The following TTN variants were observed in gnomAD, a reference collection of about 807,000 sequenced individuals.
TTN encodes the protein connectin.
TTN carries 1,525 observed loss-of-function variants against 3,223.0 expected under a neutral mutation model. That is an observed-to-expected ratio of 0.47 (90% CI 0.45 to 0.49). The LOEUF is 0.49. Ranked by LOEUF, TTN falls within the 20% of genes least tolerant of loss-of-function variation. TTN has a pLI of 0.00. For synonymous variants in TTN, 14,094 were observed against 15,161.0 expected, an observed-to-expected ratio of 0.93 and a Z score of 5.17; for missense variants, 40,786 against 43,424.0, an observed-to-expected ratio of 0.94 and a Z score of 5.40.
chr2:178,649,330 C>A lies in TTN; in HGVS notation c.39975G>T (p.Val13325=). ...VKKPETPAAK[V]PEVPKKLVPV... ...GAACAAGTTTCTTGGGCACCTCAGG[C>A]ACTTTGAAGATATTAGTTTTGTTTT... The change falls in exon 213 of 363, where the codon GTG becomes GTT. Residue 13325 remains valine, a splice_region_variant and synonymous_variant. Coordinates refer to ENST00000589042, the MANE Select transcript of TTN (RefSeq NM_001267550.2). 6.9e-7 allele frequency: 1 copy of A among 1,448,086 alleles called. No homozygotes were observed. Among genetic ancestry groups the A allele is most frequent in the Admixed American group, 3.2e-5 (1 of 30,788 alleles). The allele number at this position is 1,448,086 out of a possible 1,614,324, so 89.7% of individuals were successfully genotyped here.
Position 178,722,119 on chromosome 2 carries a change from G to C in TTN, c.22544C>G (p.Pro7515Arg). The change falls in exon 78 of 363, where the codon CCC becomes CGC. Residue 7515 changes from proline (P) to arginine (R), a missense_variant. Transcript: ENST00000589042. ...AGATACAGGCTTGATGTCAAAGAAG[G>C]GAGATTTCTTGGGTTCTGGAGGATG... ...RLTAREPKKSPFFDIKPVSID... is the reference protein window; with the variant it reads ...RLTAREPKKSRFFDIKPVSID... The C allele has an allele frequency of 1.3e-6, 2 of 1,566,200 alleles. No homozygotes were observed. The highest frequency in any genetic ancestry group is 1.7e-6 in the Non-Finnish European group (2 of 1,157,598).
rs762145326 is a variant in TTN, at chr2:178,624,535, G to T, written c.44745C>A (p.Thr14915=). The change falls in exon 242 of 363, where the codon ACC becomes ACA. Residue 14915 remains threonine, a synonymous_variant. Coordinates refer to ENST00000589042, the MANE Select transcript of TTN (RefSeq NM_001267550.2). ...RVRKLVIHDC[T]PEDIKTYTCD... ...AAGTGTATGTTTTAATATCCTCTGG[G>T]GTACAGTCATGTATAACAAGTTTTC... is the stretch of plus-strand genomic sequence containing the variant. 9 of 1,612,586 alleles carry T rather than the reference G, an allele frequency of 5.6e-6. No individual in the cohort carries two copies. The Admixed American group carries it at 6.7e-5, about 12-fold the overall frequency.
chr2:178,772,327 A>C (rs2091643567), intron 33 of TTN, among the ~76,000 whole-genome samples: 1 of 152,194 alleles, frequency 6.6e-6, no homozygotes, highest in African/African-American at 2.4e-5. Flanking sequence ...AAGACAAATC[A>C]TTACCATATG....
In TTN at chr2:178,651,973, A is replaced by C; in HGVS notation, c.39296-6T>G. Reference sequence around the variant, plus strand: ...TTCCTCAGGCTCCTCGAACACTTTAAAGACATGAGCTCATTTTAATGCCAG... The same window carrying C: ...TTCCTCAGGCTCCTCGAACACTTTACAGACATGAGCTCATTTTAATGCCAG... On this transcript the variant is annotated splice_polypyrimidine_tract_variant and splice_region_variant and intron_variant, in intron 204 of 362. Transcript: ENST00000589042. 1 of 1,610,928 alleles carries C rather than the reference A, an allele frequency of 6.2e-7. No individual in the cohort carries two copies. The highest frequency in any genetic ancestry group is 8.5e-7 in the Non-Finnish European group (1 of 1,178,438).
In TTN at chr2:178,757,780, C is replaced by G. The variant is rs267599081; in HGVS notation, c.10440G>C (p.Glu3480Asp). Residue 3480 changes from glutamate to aspartate, a missense_variant, in exon 45 of 363, where the codon GAG (glutamate) becomes GAC (aspartate). Transcript: ENST00000589042. The stretch of plus-strand genomic sequence containing the variant: ...AAACCCTCGCATGAAATCTGACTGT[C>G]TCCCCGTTGTGCACCCTGAGGCTTG... ...PLSSLRVHNG[E>D]TVRFHARVSG... 3 of 1,613,746 alleles carry G rather than the reference C, an allele frequency of 1.9e-6. No homozygotes were observed. Among genetic ancestry groups the G allele is most frequent in the Admixed American group, 3.3e-5 (2 of 60,018 alleles).
chr2:178,720,936 C>A lies in TTN; in HGVS notation c.23083G>T (p.Ala7695Ser), dbSNP rs748347572. 5 of 1,594,644 alleles carry A rather than the reference C, an allele frequency of 3.1e-6. No homozygotes were observed. In the South Asian group the frequency reaches 4.5e-5, roughly 14 times the overall value. Residue 7695 changes from alanine (A) to serine (S), a missense_variant, in exon 79 of 363, where the codon GCG becomes TCG. Physicochemically the swap from Ala to Ser is moderately conservative, Grantham distance 99 (BLOSUM62 1). Transcript: ENST00000589042. ...NGVGDASCST[A>S]LTVKAPPVFT... ...TGTGTCTAACCTTTCACTGTCAACG[C>A]TGTGCTGCAGCTGGCGTCACCAACA...
intron 109 of TTN, 43 bp from the exon 110 acceptor site, chr2:178,701,630 G>A (rs1560495270): frequency 6.3e-7 from 1 of 1,584,188 alleles, no homozygotes; most frequent in South Asian, 1.1e-5. Context: ...CTGAGAACAA[G>A]CTATTTATTA....
At chr2:178,622,094 C>A in intron 243 of TTN, 86 bp from the exon 244 acceptor site, 1 of 1,288,956 alleles carries the variant, frequency 7.8e-7, no homozygotes, top group South Asian at 1.5e-5. Flanking sequence ...CTGAGTTTTT[C>A]TGAAAGCAAC....
intron 288 of TTN, 95 bp from the exon 289 acceptor site, chr2:178,599,945 G>A (rs2052851584): frequency 3.4e-6 from 4 of 1,181,108 alleles, no homozygotes; most frequent in African/African-American, 1.5e-5. Flanking sequence ...TGGATCCACT[G>A]TAGGCAGACT....
rs995127951 is a variant in TTN, at chr2:178,776,761, C to A, written c.5103G>T (p.Gln1701His). The A allele has an allele frequency of 6.2e-7, 1 of 1,613,994 alleles. No individual in the cohort carries two copies. Among genetic ancestry groups the A allele is most frequent in the Non-Finnish European group, 8.5e-7 (1 of 1,180,018 alleles). Residue 1701 changes from glutamine (Q) to histidine (H), a missense_variant, in exon 28 of 363, where the codon CAG becomes CAT. Gln to His is a conservative substitution (Grantham distance 24). Transcript: ENST00000589042. ...TGAGTTTTTTCTTGAAAAATGGTTT[C>A]TGTTGTTTCTCTTTGTCATAGAGAT... ...EGDLYDKEKQ[Q>H]KPFFKKKLTS...
At chr2:178,750,700 T>A in intron 47 of TTN, 9 of 1,612,690 alleles carry the variant, frequency 5.6e-6, no homozygotes, top group Non-Finnish European at 7.6e-6. Flanking sequence ...CATCCTTTTT[T>A]ATTCTTTCAC....
Position 178,776,124 on chromosome 2 carries a change from C to T in TTN, c.5740G>A (p.Ala1914Thr), listed in dbSNP as rs118161093. ...TCTATCACACCTTCAGGATTTTCCG[C>T]GGTGACCTTCACTTCACCTGTGTCA... ...SYDTGEVKVT[A>T]ENPEGVIEHK... The change falls in exon 28 of 363, where the codon GCG becomes ACG. Residue 1914 changes from alanine to threonine, a missense_variant. Transcript: ENST00000589042. 81 of 1,614,154 alleles carry T rather than the reference C, an allele frequency of 5.0e-5. No homozygotes were observed. In the East Asian group the frequency reaches 1.5e-3, roughly 31 times the overall value.
chr2:178,741,818 T>A lies in TTN; in HGVS notation c.11415A>T (p.Pro3805=), dbSNP rs561157636. Reference sequence around the variant, plus strand: ...CGGAATCAAATTTAGTTGGGTAAACTGGAGATTCAGACAAAAGTTCAAGTG... The same window carrying A: ...CGGAATCAAATTTAGTTGGGTAAACAGGAGATTCAGACAAAAGTTCAAGTG... ...NETLELLSES[P]VYPTKFDSEK... Residue 3805 remains proline, a synonymous_variant, in exon 48 of 363, where the codon CCA becomes CCT. Coordinates refer to ENST00000589042, the MANE Select transcript of TTN (RefSeq NM_001267550.2). The A allele has an allele frequency of 1.9e-6, 3 of 1,612,448 alleles. No individual in the cohort carries two copies. In the Admixed American group the frequency reaches 5.0e-5, roughly 27 times the overall value.
Position 178,654,516 on chromosome 2 carries a change from G to C in TTN, c.38225C>G (p.Pro12742Arg). ...PPPEVPEVLP[P>R]KEVVPEKKVP... is the part of the protein sequence containing the mutation. ...TTTCTTTTCTGGGACCACTTCCTTCGGTGGCAGCACTTCAGGCACTTCAAA... is the reference window on the plus strand; with the variant it reads ...TTTCTTTTCTGGGACCACTTCCTTCCGTGGCAGCACTTCAGGCACTTCAAA... Residue 12742 changes from proline to arginine, a missense_variant, in exon 192 of 363, where the codon CCG (proline) becomes CGG (arginine). Coordinates refer to ENST00000589042, the MANE Select transcript of TTN (RefSeq NM_001267550.2). 5.8e-6 allele frequency: 7 copies of C among 1,204,372 alleles called. No individual in the cohort carries two copies. The highest frequency in any genetic ancestry group is 8.0e-6 in the Non-Finnish European group (7 of 873,814). The allele number at this position is 1,204,372 out of a possible 1,614,324, so 74.6% of individuals were successfully genotyped here. A position where few individuals can be genotyped will look rare whatever the true frequency, so the allele number is the denominator to read the frequency against.
In TTN at chr2:178,757,697, G is replaced by C; in HGVS notation, c.10523C>G (p.Thr3508Arg). 6.2e-7 allele frequency: 1 copy of C among 1,613,798 alleles called. No homozygotes were observed. Among genetic ancestry groups the C allele is most frequent in the Non-Finnish European group, 8.5e-7 (1 of 1,179,784 alleles). The change falls in exon 45 of 363, where the codon ACA becomes AGA. Residue 3508 changes from threonine to arginine, a missense_variant. Physicochemically the swap from Thr to Arg is moderately conservative, Grantham distance 71. Transcript: ENST00000589042. ...CTCAAAATGGAAAACTACATCTTTT[G>C]TTGGTAGAATTAGCTGCTGGTTATG... Reference protein sequence around the residue: ...WFHNQQLILPTKDVVFHFEES... With the variant: ...WFHNQQLILPRKDVVFHFEES...
chr2:178,669,625 C>G lies in TTN; in HGVS notation c.35437G>C (p.Val11813Leu), dbSNP rs1273016489. ...IVPEEKVREA[V>L]LKKPEVPPAK... is the part of the protein sequence containing the mutation. Reference sequence around the variant, plus strand: ...GGTGGAACTTCAGGCTTTTTCAGAACAGCTTCACGAACTTTTTCTTCTGGG... The same window carrying G: ...GGTGGAACTTCAGGCTTTTTCAGAAGAGCTTCACGAACTTTTTCTTCTGGG... Residue 11813 changes from valine (V) to leucine (L), a missense_variant, in exon 158 of 363, where the codon GTT (valine) becomes CTT (leucine). Transcript: ENST00000589042. 1.2e-6 allele frequency: 2 copies of G among 1,612,420 alleles called. No individual in the cohort carries two copies. Among genetic ancestry groups the G allele is most frequent in the South Asian group, 1.1e-5 (1 of 91,056 alleles).
In TTN at chr2:178,574,850, T is replaced by C; in HGVS notation, c.71282A>G (p.Asn23761Ser). The C allele has an allele frequency of 6.2e-7, 1 of 1,613,106 alleles. No homozygotes were observed. ...AGTCTGCCGCATTTCCACTACATAG[T>C]TGCTTATTGGTACACCACCATCGTT... ...PENDGGVPIS[N>S]YVVEMRQTDS... Residue 23761 changes from asparagine to serine, a missense_variant, in exon 326 of 363, where the codon AAC becomes AGC. Physicochemically the swap from Asn to Ser is conservative, Grantham distance 46. Coordinates refer to ENST00000589042, the MANE Select transcript of TTN (RefSeq NM_001267550.2).
rs750169203 is a variant in TTN, at chr2:178,776,533, G to A, written c.5331C>T (p.Cys1777=). ...AYSRDSGIIT[C]RATNKYGTDH... is the part of the protein sequence containing the mutation. ...CTGTTCCATATTTGTTAGTGGCTCT[G>A]CAAGTAATGATACCACTGTCTCTAG... The change falls in exon 28 of 363, where the codon TGC becomes TGT. Residue 1777 remains cysteine, a synonymous_variant. Coordinates refer to ENST00000589042, the MANE Select transcript of TTN (RefSeq NM_001267550.2). The A allele has an allele frequency of 2.5e-6, 4 of 1,610,476 alleles. No individual in the cohort carries two copies. The South Asian group carries it at 3.3e-5, about 13-fold the overall frequency.
intron 6 of TTN, chr2:178,799,248 C>T (rs1363442722): frequency 1.6e-5 from 9 of 556,052 alleles, no homozygotes; most frequent in Non-Finnish European, 2.5e-5. Flanking sequence ...ACACCCTATG[C>T]CTATAAAAAC....
Sources: allele counts gnomAD v4.1 joint callset (sites outside exome capture counted in the v4.1 genomes callset), GRCh38; gene constraint gnomAD v4.1.1; transcripts MANE v1.5; gene names NCBI Gene and HGNC (gene_info 2026-07-23, HGNC 2026-07-21).